Variants in UCK1 observed in about 807,000 individuals in gnomAD.
UCK1 encodes cytidine monophosphokinase 1.
Under a neutral mutation model 34.0 loss-of-function variants are expected in UCK1, and 20 were observed. The ratio of observed to expected loss-of-function variants is 0.59; its 90% CI spans 0.41 to 0.86. The LOEUF (loss-of-function observed/expected upper bound fraction) is 0.86. Ranked by LOEUF, UCK1 falls within the 40% of genes least tolerant of loss-of-function variation. The pLI is 0.00. For synonymous variants in UCK1, 168 were observed against 155.9 expected (o/e 1.08, Z -0.58); for missense variants, 343 against 383.6 (o/e 0.89, Z 0.88).
chr9:131,530,976 G>GC, intron 1 of UCK1, 91 bp downstream of exon 1: 1 of 1,163,562 alleles, frequency 8.6e-7, no homozygotes, highest in Non-Finnish European at 1.1e-6. Flanking sequence ...CTGGCAGGGG[G>GC]CCCCTCGGCC....
intron 1 of UCK1, 115 bp from the exon 2 acceptor site, chr9:131,530,760 G>A: frequency 6.3e-7 from 1 of 1,583,448 alleles, no homozygotes; most frequent in Non-Finnish European, 8.6e-7. Flanking sequence ...TCGGAAGGCG[G>A]GAGGACACCA....
chr9:131,529,680 T>C, intron 2 of UCK1, 96 bp from the exon 3 acceptor site: 3 of 1,119,582 alleles, frequency 2.7e-6, no homozygotes, highest in South Asian at 2.5e-5. Context: ...AGCTGGGTGC[T>C]GGGGACACCG....
Position 131,528,936 on chromosome 9 carries a change from A to T in UCK1, c.603+8T>A. ...GAAAATGGGCTCTGAAGCAGCGAGCACAGGTACCGGCAGGCAGAACTCCTC... is the reference window on the plus strand; with the variant it reads ...GAAAATGGGCTCTGAAGCAGCGAGCTCAGGTACCGGCAGGCAGAACTCCTC... On this transcript the variant is annotated splice_region_variant and intron_variant, in intron 5 of 6. Coordinates refer to ENST00000372215, the MANE Select transcript of UCK1 (RefSeq NM_031432.5). 6.2e-7 allele frequency: 1 copy of T among 1,613,964 alleles called. No homozygotes were observed. The highest frequency in any genetic ancestry group is 8.5e-7 in the Non-Finnish European group (1 of 1,179,912).
rs376504001 is a variant in UCK1, at chr9:131,528,893, T to C, written c.603+51A>G. On this transcript the variant is annotated intron_variant, in intron 5 of 6. Transcript: ENST00000372215. Reference sequence around the variant, plus strand: ...AGCCCTCTCACAGTACTGGGTCCCATGTGTCCTTGTGAAAGGGGAAAATGG... The same window carrying C: ...AGCCCTCTCACAGTACTGGGTCCCACGTGTCCTTGTGAAAGGGGAAAATGG... 2.0e-4 allele frequency: 323 copies of C among 1,600,890 alleles called. No homozygotes were observed. In the South Asian group the frequency reaches 2.2e-3, roughly 11 times the overall value.
Position 131,529,245 on chromosome 9 carries a change from G to C in UCK1, c.391C>G (p.Pro131Ala). The change falls in exon 4 of 7, where the codon CCT (proline) becomes GCT (alanine). Residue 131 changes from proline (P) to alanine (A), a missense_variant. Physicochemically the swap from Pro to Ala is conservative, Grantham distance 27 (BLOSUM62 -1). Transcript: ENST00000372215. ...SRLPETTVVY[P>A]ADVVLFEGIL... Reference sequence around the variant, plus strand: ...CCCTCAAACAGAACCACGTCCGCAGGGTAGACCACCGTGGTCTCTGGTAAC... The same window carrying C: ...CCCTCAAACAGAACCACGTCCGCAGCGTAGACCACCGTGGTCTCTGGTAAC... The C allele has an allele frequency of 1.9e-6, 3 of 1,614,112 alleles. No individual in the cohort carries two copies. Among genetic ancestry groups the C allele is most frequent in the Non-Finnish European group, 2.5e-6 (3 of 1,180,026 alleles).
chr9:131,530,544 G>A lies in UCK1; in HGVS notation c.210C>T (p.Val70=). 1 of 1,614,256 alleles carries A rather than the reference G, an allele frequency of 6.2e-7. No homozygotes were observed. Among genetic ancestry groups the A allele is most frequent in the Non-Finnish European group, 8.5e-7 (1 of 1,180,040 alleles). ...VILSQDRFYK[V]LTAEQKAKAL... is the part of the protein sequence containing the mutation. ...CCTTGGCCTTCTGCTCTGCCGTCAGGACCTTGTAGAACCTGTCCTGGCTCA... is the reference window on the plus strand; with the variant it reads ...CCTTGGCCTTCTGCTCTGCCGTCAGAACCTTGTAGAACCTGTCCTGGCTCA... Residue 70 remains valine, a synonymous_variant, in exon 2 of 7, where the codon GTC becomes GTT. Transcript: ENST00000372215.
At chr9:131,528,055 T>A (rs755378560) in intron 5 of UCK1, among the ~76,000 whole-genome samples, 14 of 151,344 alleles carry the variant, frequency 9.3e-5, no homozygotes, top group Non-Finnish European at 1.5e-4. Flanking sequence ...ACGCCTGTAA[T>A]CCCAGCTACT....
chr9:131,529,396 G>T, intron 3 of UCK1, 92 bp downstream of exon 3: 1 of 1,600,470 alleles, frequency 6.2e-7, no homozygotes, highest in Non-Finnish European at 8.6e-7. Flanking sequence ...AAACCAACCG[G>T]GGGAGGCCTG....
chr9:131,530,532 C>T lies in UCK1; in HGVS notation c.222G>A (p.Glu74=), dbSNP rs1950793103. The part of the protein sequence containing the change: ...QDRFYKVLTA[E]QKAKALKGQY... The stretch of plus-strand genomic sequence containing the variant: ...GTCCTTTCAAGGCCTTGGCCTTCTG[C>T]TCTGCCGTCAGGACCTTGTAGAACC... The change falls in exon 2 of 7, where the codon GAG becomes GAA. Residue 74 remains glutamate (E), a synonymous_variant. Transcript: ENST00000372215. 6.2e-7 allele frequency: 1 copy of T among 1,614,272 alleles called. No homozygotes were observed. The highest frequency in any genetic ancestry group is 8.5e-7 in the Non-Finnish European group (1 of 1,180,046).
intron 6 of UCK1, 95 bp from the exon 7 acceptor site, chr9:131,525,316 A>T: frequency 6.6e-7 from 1 of 1,512,364 alleles, no homozygotes; most frequent in Non-Finnish European, 9.1e-7. Flanking sequence ...TGAGCGCCCA[A>T]CCTCTGCCCT....
Position 131,529,580 on chromosome 9 carries a change from G to A in UCK1, c.273C>T (p.Ala91=), listed in dbSNP as rs761023429. ...TCCTGTGCATCAAATCATTATCAAA[G>A]GCATCTGCAGGGTTGGAGACAAAGG... ...KGQYNFDHPD[A]FDNDLMHRTL... is the part of the protein sequence containing the mutation. The change falls in exon 3 of 7, where the codon GCC becomes GCT. Residue 91 remains alanine (A), a synonymous_variant. Coordinates refer to ENST00000372215, the MANE Select transcript of UCK1 (RefSeq NM_031432.5). The A allele has an allele frequency of 4.3e-6, 7 of 1,613,950 alleles. No individual in the cohort carries two copies. In the Admixed American group the frequency reaches 1.0e-4, roughly 23 times the overall value.
chr9:131,530,737 C>G, intron 1 of UCK1, 92 bp from the exon 2 acceptor site: 1 of 1,611,068 alleles, frequency 6.2e-7, no homozygotes, highest in Non-Finnish European at 8.5e-7. Flanking sequence ...CACCCGCCCC[C>G]TGGGGGGTAT....
chr9:131,530,752 G>C, intron 1 of UCK1, 107 bp from the exon 2 acceptor site: 1 of 1,596,758 alleles, frequency 6.3e-7, no homozygotes. Context: ...GGGTATGCTC[G>C]GAAGGCGGGA....
intron 1 of UCK1, 33 bp from the exon 2 acceptor site, chr9:131,530,678 A>G (rs1950802234): frequency 1.2e-6 from 2 of 1,614,130 alleles, no homozygotes; most frequent in Non-Finnish European, 1.7e-6. Context: ...CCCGCCTGGA[A>G]CCGCTCGTCC....
At position 131,529,120 on chromosome 9, in the gene UCK1, C is replaced by T. The variant is rs371740428; in HGVS notation, c.508+8G>A. The T allele has an allele frequency of 1.4e-4, 227 of 1,613,554 alleles. 1 individual carries two copies. In the African/African-American group the frequency reaches 2.8e-3, roughly 20 times the overall value. ...CCAGGCAGGCACGGAGGCCCGCGGC[C>T]GCCTTACCTCTTCGAGACAGCCTGA... On this transcript the variant is annotated splice_region_variant and intron_variant, in intron 4 of 6. Transcript: ENST00000372215.
intron 5 of UCK1, among the ~76,000 whole-genome samples, chr9:131,527,369 G>A (rs1284661773): frequency 6.6e-6 from 1 of 152,014 alleles, no homozygotes; most frequent in East Asian, 1.9e-4. Context: ...AACATCTCTG[G>A]GGCCTGGGCC....
In UCK1 at chr9:131,527,848, G is replaced by A. The variant is rs144054931; in HGVS notation, c.603+1096C>T. Among the ~76,000 whole-genome samples, 489 of 152,204 alleles carry A rather than the reference G, an allele frequency of 3.2e-3. 2 individuals are homozygous for A. Among genetic ancestry groups the A allele is most frequent in the African/African-American group, 0.011 (451 of 41,506 alleles). Reference sequence around the variant, plus strand: ...GCTGTGATTGCACCACTGTACTCCAGCCTGGGCAACAGAGCAAGACTCTGC... The same window carrying A: ...GCTGTGATTGCACCACTGTACTCCAACCTGGGCAACAGAGCAAGACTCTGC... On this transcript the variant is annotated intron_variant, in intron 5 of 6. Transcript: ENST00000372215.
chr9:131,529,662 G>A (rs903955107), intron 2 of UCK1, 78 bp from the exon 3 acceptor site: 1 of 1,366,022 alleles, frequency 7.3e-7, no homozygotes, highest in Non-Finnish European at 1.0e-6. Flanking sequence ...CTGCTCTGGG[G>A]TCAGCACAGC....
In UCK1 at chr9:131,529,579, AG is replaced by A; in HGVS notation, c.273del (p.Phe92LeufsTer5). On this transcript the variant is annotated frameshift_variant, in exon 3 of 7. Coordinates refer to ENST00000372215, the MANE Select transcript of UCK1 (RefSeq NM_031432.5). LOFTEE classifies it high-confidence loss of function. ...KGQYNFDHPD[A>X]FDNDLMHRTL... The stretch of plus-strand genomic sequence containing the variant: ...GTCCTGTGCATCAAATCATTATCAA[AG>A]GCATCTGCAGGGTTGGAGACAAAGG... The A allele has an allele frequency of 6.2e-7, 1 of 1,614,094 alleles. No individual in the cohort carries two copies. Among genetic ancestry groups the A allele is most frequent in the Non-Finnish European group, 8.5e-7 (1 of 1,179,986 alleles).
Sources: allele counts gnomAD v4.1 joint callset (sites outside exome capture counted in the v4.1 genomes callset), GRCh38; gene constraint gnomAD v4.1.1; transcripts MANE v1.5; gene names NCBI Gene and HGNC (gene_info 2026-07-23, HGNC 2026-07-21).